Variants in WDR19 observed in about 807,000 individuals in gnomAD.
WDR19 encodes WD repeat-containing protein 19.
In WDR19, 121 loss-of-function variants were observed where a neutral mutation model predicts 180.0. The ratio of observed to expected loss-of-function variants is 0.67; its 90% confidence interval spans 0.58 to 0.78. The LOEUF is 0.78. WDR19 is among the 30% of genes least tolerant of loss of function. The pLI is 0.00. For missense variants in WDR19, 1,450 were observed against 1,640.7 expected (o/e 0.88, Z 2.01); for synonymous variants, 497 against 540.7 (o/e 0.92, Z 1.12).
chr4:39,229,375 A>G (rs1399106271), intron 17 of WDR19, among the ~76,000 whole-genome samples: 3 of 152,178 alleles, frequency 2.0e-5, no homozygotes, highest in Non-Finnish European at 4.4e-5. Context: ...CAGATAAGAT[A>G]GTCAGCTGTT....
intron 24 of WDR19, among the ~76,000 whole-genome samples, chr4:39,246,331 G>T (rs1266945916): frequency 6.6e-6 from 1 of 152,102 alleles, no homozygotes; most frequent in African/African-American, 2.4e-5. Flanking sequence ...CATAGAGAGA[G>T]CCTCTCTCTA....
In WDR19 at chr4:39,270,733, T is replaced by C. The variant is rs115293159; in HGVS notation, c.3483+633T>C. 4.4e-3 allele frequency among the ~76,000 whole-genome samples: 663 copies of C among 152,258 alleles called. 5 individuals are homozygous for C. The highest frequency in any genetic ancestry group is 0.015 in the African/African-American group (627 of 41,546). On this transcript the variant is annotated intron_variant, in intron 31 of 36. Coordinates refer to ENST00000399820, the MANE Select transcript of WDR19 (RefSeq NM_025132.4). ...AAATGTATTGCCTGTGCCAGAAAAATAGATTTACTTAAAACATCTTTCTTT... is the reference window on the plus strand; with the variant it reads ...AAATGTATTGCCTGTGCCAGAAAAACAGATTTACTTAAAACATCTTTCTTT...
chr4:39,258,679 A>C (rs961710369), intron 28 of WDR19, among the ~76,000 whole-genome samples: 2 of 152,220 alleles, frequency 1.3e-5, no homozygotes, highest in Non-Finnish European at 2.9e-5. Context: ...TTCTAAATAC[A>C]GGTCTTTTTG....
At chr4:39,255,995 G>T (rs199942954) in intron 27 of WDR19, 35 bp downstream of exon 27, 1 of 1,043,746 alleles carries the variant, frequency 9.6e-7, no homozygotes, top group Non-Finnish European at 1.4e-6. Context: ...CACTGACTCC[G>T]CAGGAATAAT....
In WDR19 at chr4:39,270,052, C is replaced by T. The variant is rs200659514; in HGVS notation, c.3435C>T (p.Ser1145=). Residue 1145 remains serine (S), a synonymous_variant, in exon 31 of 37, where the codon TCC becomes TCT. Coordinates refer to ENST00000399820, the MANE Select transcript of WDR19 (RefSeq NM_025132.4). ...AATCCCAGAAGATCAAAATTCCCTCCGAGATGGCCACCAACCTCATGATTC... is the reference window on the plus strand; with the variant it reads ...AATCCCAGAAGATCAAAATTCCCTCTGAGATGGCCACCAACCTCATGATTC... ...ELKSQKIKIP[S]EMATNLMILH... 3.3e-5 allele frequency: 53 copies of T among 1,613,534 alleles called. No homozygotes were observed. The African/African-American group carries it at 5.3e-4, about 16-fold the overall frequency.
At position 39,218,003 on chromosome 4, in the gene WDR19, T is replaced by C. The variant is rs1376377023; in HGVS notation, c.1377T>C (p.Asp459=). The change falls in exon 14 of 37, where the codon GAT becomes GAC. Residue 459 remains aspartate (D), a synonymous_variant. Coordinates refer to ENST00000399820, the MANE Select transcript of WDR19 (RefSeq NM_025132.4). ...TTTAGATAGAAAGCGAAATCTTGGA[T>C]GCTCAAGAAGAACGTGAGACTCGGC... The part of the protein sequence containing the change: ...QLHLIESEIL[D]AQEERETRLF... 1.4e-5 allele frequency: 22 copies of C among 1,613,650 alleles called. No homozygotes were observed. The highest frequency in any genetic ancestry group is 1.9e-5 in the Non-Finnish European group (22 of 1,179,814).
chr4:39,231,943 T>C lies in WDR19; in HGVS notation c.2129T>C (p.Leu710Ser), dbSNP rs387906980. Reference protein sequence around the residue: ...RIGNVGIVMSLEQIKGIEDYN... With the variant: ...RIGNVGIVMSSEQIKGIEDYN... The stretch of plus-strand genomic sequence containing the variant: ...GGAAATGTTGGCATAGTGATGTCCT[T>C]GGAACAAATAAAGGTAAACAGCATG... Residue 710 changes from leucine (L) to serine (S), a missense_variant, in exon 18 of 37, where the codon TTG becomes TCG. Physicochemically the swap from Leu to Ser is moderately radical, Grantham distance 145 (BLOSUM62 -2). Coordinates refer to ENST00000399820, the MANE Select transcript of WDR19 (RefSeq NM_025132.4). The C allele has an allele frequency of 2.5e-5, 40 of 1,612,984 alleles. No individual in the cohort carries two copies. The highest frequency in any genetic ancestry group is 3.1e-5 in the Non-Finnish European group (36 of 1,179,130).
At chr4:39,202,068 A>G (rs1727425594) in intron 6 of WDR19, among the ~76,000 whole-genome samples, 1 of 152,116 alleles carries the variant, frequency 6.6e-6, no homozygotes, top group South Asian at 2.1e-4. Context: ...TCCTTTGTCA[A>G]TTCAGGAAAA....
At chr4:39,189,536 C>A in intron 3 of WDR19, 120 bp from the exon 4 acceptor site, 2 of 968,074 alleles carry the variant, frequency 2.1e-6, no homozygotes, top group South Asian at 3.0e-5. Flanking sequence ...GTATTTCTCA[C>A]TTTAGAGAGT....
intron 1 of WDR19, among the ~76,000 whole-genome samples, chr4:39,182,881 G>C (rs1471385500): frequency 6.6e-6 from 1 of 152,104 alleles, no homozygotes; most frequent in East Asian, 1.9e-4. Flanking sequence ...CCCCAGCTTC[G>C]CACGCGGAAA....
intron 27 of WDR19, among the ~76,000 whole-genome samples, chr4:39,257,281 A>T (rs1251462945): frequency 6.6e-6 from 1 of 152,220 alleles, no homozygotes; most frequent in Non-Finnish European, 1.5e-5. Flanking sequence ...TAGATTCTTC[A>T]GAGGGTTAAC....
chr4:39,270,105 G>A lies in WDR19; in HGVS notation c.3483+5G>A, dbSNP rs201216969. On this transcript the variant is annotated splice_donor_5th_base_variant and intron_variant, in intron 31 of 36. Transcript: ENST00000399820. ...CACAGCTATATACTAGTAAAGGTGA[G>A]GCCCATGGAGTGACTTGGGACATAA... 405 of 1,613,288 alleles carry A rather than the reference G, an allele frequency of 2.5e-4. No individual in the cohort carries two copies. Among genetic ancestry groups the A allele is most frequent in the Non-Finnish European group, 3.2e-4 (378 of 1,179,616 alleles).
chr4:39,274,648 G>A lies in WDR19; in HGVS notation c.3566-160G>A, dbSNP rs139999973. On this transcript the variant is annotated intron_variant, in intron 32 of 36. Coordinates refer to ENST00000399820, the MANE Select transcript of WDR19 (RefSeq NM_025132.4). ...GCAGTTAGCCTGACCCCACAGCTAC[G>A]TACTTTCCTCATTAAACAGATCATA... The A allele has an allele frequency of 6.5e-4, 515 of 796,338 alleles. No individual in the cohort carries two copies. In the African/African-American group the frequency reaches 7.4e-3, roughly 11 times the overall value. 49.3% of individuals were successfully genotyped at this position (796,338 alleles called of 1,614,324 possible).
Position 39,266,109 on chromosome 4 carries a change from A to G in WDR19, c.3230A>G (p.His1077Arg), listed in dbSNP as rs1183381045. 6.4e-6 allele frequency: 10 copies of G among 1,562,904 alleles called. No individual in the cohort carries two copies. Among genetic ancestry groups the G allele is most frequent in the African/African-American group, 1.4e-5 (1 of 73,530 alleles). ...DELLTNQLID[H>R]LLGENDGMPK... ...CTGCTGACCAATCAGCTGATAGACC[A>G]TCTCCTGGGGGAGAACGATGGCATG... The change falls in exon 29 of 37, where the codon CAT becomes CGT. Residue 1077 changes from histidine (H) to arginine (R), a missense_variant. His to Arg is a conservative substitution (Grantham distance 29). Coordinates refer to ENST00000399820, the MANE Select transcript of WDR19 (RefSeq NM_025132.4).
chr4:39,271,859 G>A (rs1295935480), intron 31 of WDR19, among the ~76,000 whole-genome samples: 1 of 152,146 alleles, frequency 6.6e-6, no homozygotes, highest in Non-Finnish European at 1.5e-5. Flanking sequence ...GCCCAATATG[G>A]TAGCCACTAA....
Position 39,240,257 on chromosome 4 carries a change from C to A in WDR19, c.2364-20C>A. The A allele has an allele frequency of 8.4e-7, 1 of 1,190,830 alleles. No individual in the cohort carries two copies. Among genetic ancestry groups the A allele is most frequent in the Non-Finnish European group, 1.1e-6 (1 of 925,788 alleles). 73.8% of individuals were successfully genotyped at this position (1,190,830 alleles called of 1,614,324 possible). A position where few individuals can be genotyped will look rare whatever the true frequency, so the allele number is the denominator to read the frequency against. ...AATATATATTAAAATTATTAAAATT[C>A]ACTCTTATTTTTTTTTCAGGGGTGA... On this transcript the variant is annotated intron_variant, in intron 20 of 36. Transcript: ENST00000399820.
chr4:39,275,516 G>C (rs1036193706), intron 33 of WDR19, among the ~76,000 whole-genome samples: 6 of 152,152 alleles, frequency 3.9e-5, no homozygotes, highest in African/African-American at 1.4e-4. Context: ...CCGTCTTCCA[G>C]CTTTGACATC....
intron 15 of WDR19, among the ~76,000 whole-genome samples, chr4:39,227,371 T>A (rs543314676): frequency 2.0e-5 from 3 of 152,192 alleles, no homozygotes; most frequent in Non-Finnish European, 4.4e-5. Context: ...TGTAAACAGC[T>A]TATTTAGTAT....
chr4:39,279,673 C>A (rs1410996357), intron 36 of WDR19, among the ~76,000 whole-genome samples: 1 of 149,256 alleles, frequency 6.7e-6, no homozygotes, highest in Non-Finnish European at 1.5e-5. Flanking sequence ...CATTCCACAT[C>A]CCTGCCAACA....
Sources: gnomAD v4.1 joint callset for allele counts (sites outside exome capture counted in the v4.1 genomes callset) on GRCh38, gnomAD v4.1.1 for gene constraint, MANE v1.5 for transcripts, NCBI Gene and HGNC (gene_info 2026-07-23, HGNC 2026-07-21) for gene names.